The following CRTC3 variants were observed in gnomAD, a reference collection of about 807,000 sequenced individuals.
The protein encoded by CRTC3 is CREB-regulated transcription coactivator 3.
Under a neutral mutation model 74.5 loss-of-function variants are expected in CRTC3, and 26 were observed. That is an observed-to-expected ratio of 0.35 (90% CI 0.26 to 0.48). CRTC3 has a LOEUF of 0.48. CRTC3 is among the 20% of genes least tolerant of loss of function. CRTC3 has a pLI of 0.99. For synonymous variants in CRTC3, 377 were observed against 325.8 expected, an observed-to-expected ratio of 1.16 and a Z score of -1.69; for missense variants, 760 against 787.3, an observed-to-expected ratio of 0.97 and a Z score of 0.41.
intron 6 of CRTC3, among the ~76,000 whole-genome samples, chr15:90,611,696 A>G (rs1968359327): frequency 6.6e-6 from 1 of 151,984 alleles, no homozygotes; most frequent in South Asian, 2.1e-4. Flanking sequence ...TCCCAGCAGT[A>G]TGTCTCAAAT....
rs772351845 is a variant in CRTC3, at chr15:90,641,116, G to T, written c.1568G>T (p.Gly523Val). Residue 523 changes from glycine to valine, a missense_variant, in exon 14 of 15, where the codon GGT becomes GTT. By Grantham distance (109) the Gly-to-Val change is moderately radical. Coordinates refer to ENST00000268184, the MANE Select transcript of CRTC3 (RefSeq NM_022769.5). ...FPQQVPLVQQ[G>V]SRELQDSFHL... ...TTCCAGGTGCCTCTGGTGCAACAAGGTTCCCGAGAACTGCAGGACTCTTTT... is the reference window on the plus strand; with the variant it reads ...TTCCAGGTGCCTCTGGTGCAACAAGTTTCCCGAGAACTGCAGGACTCTTTT... The T allele has an allele frequency of 1.2e-6, 2 of 1,613,712 alleles. No homozygotes were observed. Among genetic ancestry groups the T allele is most frequent in the Admixed American group, 1.7e-5 (1 of 59,992 alleles).
At chr15:90,553,762 A>G (rs963386263) in intron 2 of CRTC3, among the ~76,000 whole-genome samples, 4 of 152,222 alleles carry the variant, frequency 2.6e-5, no homozygotes, top group African/African-American at 4.8e-5. Context: ...CCCTCCAAGT[A>G]ATGTTTTAAA....
chr15:90,588,696 T>G (rs1967725598), intron 2 of CRTC3, among the ~76,000 whole-genome samples: 1 of 152,152 alleles, frequency 6.6e-6, no homozygotes, highest in African/African-American at 2.4e-5. Flanking sequence ...GTAGGACCGT[T>G]GGGGAGCACC....
chr15:90,573,379 A>C (rs547381453), intron 2 of CRTC3, among the ~76,000 whole-genome samples: 339 of 152,232 alleles, frequency 2.2e-3, no homozygotes, highest in African/African-American at 7.9e-3. Flanking sequence ...AATTTGTATG[A>C]GTTAAATGTG....
rs143834467 is a variant in CRTC3 at position 90,545,869 on chromosome 15, C to T, written c.231+5732C>T. ...CTGGGATTACAGGCGTGAGCCACTG[C>T]GCCTGGCCTTGTCTAGTTTTTAAAT... On this transcript the variant is annotated intron_variant, in intron 2 of 14. Transcript: ENST00000268184. Among the ~76,000 whole-genome samples, 1,091 of 152,272 alleles carry T rather than the reference C, an allele frequency of 7.2e-3. 15 individuals carry two copies. The highest frequency in any genetic ancestry group is 0.066 in the East Asian group (342 of 5,180).
intron 2 of CRTC3, among the ~76,000 whole-genome samples, chr15:90,565,910 G>A (rs1967113644): frequency 6.6e-6 from 1 of 152,182 alleles, no homozygotes; most frequent in African/African-American, 2.4e-5. Context: ...AAGTGTTCAA[G>A]TGAAAGAAAG....
chr15:90,640,440 C>T (rs1030385321), intron 13 of CRTC3, among the ~76,000 whole-genome samples: 2 of 152,056 alleles, frequency 1.3e-5, no homozygotes, highest in African/African-American at 4.8e-5. Flanking sequence ...AATCCCAGCA[C>T]TTTGGGAGGC....
At chr15:90,634,618 C>T (rs942491724) in intron 11 of CRTC3, 1 of 478,310 alleles carries the variant, frequency 2.1e-6, no homozygotes, top group Non-Finnish European at 3.8e-6. Flanking sequence ...TTCCTCAGGG[C>T]CTGGTGATCC....
chr15:90,538,118 C>T (rs1214176641), intron 1 of CRTC3, among the ~76,000 whole-genome samples: 1 of 152,224 alleles, frequency 6.6e-6, no homozygotes, highest in African/African-American at 2.4e-5. Context: ...CAGTGCCTGG[C>T]ATACTACCTG....
At chr15:90,580,994 A>G (rs1871187758) in intron 2 of CRTC3, among the ~76,000 whole-genome samples, 1 of 152,224 alleles carries the variant, frequency 6.6e-6, no homozygotes, top group African/African-American at 2.4e-5. Flanking sequence ...GATTCTCCCA[A>G]GAGATAGTGA....
intron 1 of CRTC3, among the ~76,000 whole-genome samples, chr15:90,533,769 T>C (rs1016026590): frequency 3.3e-5 from 5 of 152,158 alleles, no homozygotes; most frequent in Middle Eastern, 3.2e-3. Context: ...TTGGTGAATA[T>C]CACCAAAACA....
chr15:90,590,089 G>A (rs1422483850), intron 2 of CRTC3, among the ~76,000 whole-genome samples: 3 of 150,688 alleles, frequency 2.0e-5, no homozygotes, highest in Non-Finnish European at 3.0e-5. Context: ...TCAGGAGTTC[G>A]AGACCAGTCT....
chr15:90,597,422 C>T (rs1967955308), intron 3 of CRTC3, among the ~76,000 whole-genome samples: 3 of 152,196 alleles, frequency 2.0e-5, no homozygotes, highest in South Asian at 4.1e-4. Flanking sequence ...CGTGAAGGGT[C>T]GTGAAGAGAT....
At position 90,592,128 on chromosome 15, in the gene CRTC3, A is replaced by G. The variant is rs1307915112; in HGVS notation, c.232-1508A>G. On this transcript the variant is annotated intron_variant, in intron 2 of 14. Coordinates refer to ENST00000268184, the MANE Select transcript of CRTC3 (RefSeq NM_022769.5). ...AACCAAAATGAGAAAATCCATGTTT[A>G]ACAAAGAAAAATTAGTTTTTAGCTG... Among the ~76,000 whole-genome samples, 3 of 152,240 alleles carry G rather than the reference A, an allele frequency of 2.0e-5. No homozygotes were observed. The South Asian group carries it at 6.2e-4, about 31-fold the overall frequency.
intron 2 of CRTC3, among the ~76,000 whole-genome samples, chr15:90,554,167 A>G (rs1203111878): frequency 6.6e-6 from 1 of 151,572 alleles, no homozygotes; most frequent in Non-Finnish European, 1.5e-5. Flanking sequence ...CCCTTAGAAC[A>G]GTGGTTGGCA....
At chr15:90,639,795 C>G (rs1196999315) in intron 13 of CRTC3, among the ~76,000 whole-genome samples, 1 of 149,334 alleles carries the variant, frequency 6.7e-6, no homozygotes, top group Admixed American at 6.6e-5. Flanking sequence ...CGCCTGTAAT[C>G]CCAGCAGTTT....
At chr15:90,629,677 T>TTTCAC in intron 11 of CRTC3, 145 bp downstream of exon 11, 1 of 705,798 alleles carries the variant, frequency 1.4e-6, no homozygotes, top group Non-Finnish European at 2.4e-6. Flanking sequence ...TTCGCTCTTA[T>TTTCAC]ATGTGAAATC....
At chr15:90,576,579 G>T (rs557109255) in intron 2 of CRTC3, among the ~76,000 whole-genome samples, 1 of 152,248 alleles carries the variant, frequency 6.6e-6, no homozygotes, top group South Asian at 2.1e-4. Context: ...ATATGACAGA[G>T]CCCTGAGGAA....
intron 2 of CRTC3, among the ~76,000 whole-genome samples, chr15:90,590,890 G>A (rs531044489): frequency 6.6e-6 from 1 of 152,282 alleles, no homozygotes; most frequent in East Asian, 1.9e-4. Flanking sequence ...CAGTAATACA[G>A]GATTTGGGCC....
Sources: gnomAD v4.1 joint callset for allele counts (sites outside exome capture counted in the v4.1 genomes callset) on GRCh38, gnomAD v4.1.1 for gene constraint, MANE v1.5 for transcripts, NCBI Gene and HGNC (gene_info 2026-07-23, HGNC 2026-07-21) for gene names.